Variants in KIFC3 observed in about 807,000 individuals in gnomAD.
KIFC3 encodes the protein kinesin-like protein KIFC3.
Under a neutral mutation model 101.8 loss-of-function variants are expected in KIFC3, and 60 were observed. The observed-to-expected ratio is 0.59, with a 90% CI of 0.48 to 0.73. KIFC3 has a LOEUF of 0.73. KIFC3 is among the 30% of genes least tolerant of loss of function. KIFC3 has a pLI of 0.00. For synonymous variants in KIFC3, 476 were observed against 482.7 expected (o/e 0.99, Z 0.18); for missense variants, 966 against 1,137.1 (o/e 0.85, Z 2.16).
rs1334068289 is a variant in KIFC3 at position 57,769,517 on chromosome 16, G to A, written c.1218+78C>T. ...GAGCGGCTTTGTCTGAGCTTTGGAG[G>A]GACGCCCTGAGTGGATGTCGTGCCT... On this transcript the variant is annotated intron_variant, in intron 9 of 19. Coordinates refer to ENST00000445690, the MANE Select transcript of KIFC3 (RefSeq NM_001130100.2). The surrounding 1 kb of genome is among the most constrained non-coding windows in gnomAD (Gnocchi z 4.3). 1.4e-5 allele frequency: 21 copies of A among 1,525,096 alleles called. No individual in the cohort carries two copies. The highest frequency in any genetic ancestry group is 1.9e-5 in the Non-Finnish European group (21 of 1,134,158). The allele number at this position is 1,525,096 out of a possible 1,614,324, so 94.5% of individuals were successfully genotyped here.
upstream of KIFC3, among the ~76,000 whole-genome samples, chr16:57,803,664 C>G (rs1029008045): frequency 1.3e-5 from 2 of 152,254 alleles, no homozygotes; most frequent in Non-Finnish European, 1.5e-5. Context: ...CAGAGCAGGA[C>G]AGTCACAGTC....
chr16:57,851,773 A>G (rs1212280221), intron 1 of KIFC3, among the ~76,000 whole-genome samples: 1 of 122,614 alleles, frequency 8.2e-6, no homozygotes, highest in African/African-American at 3.1e-5. Flanking sequence ...GTAGTCTCGC[A>G]CTGTCGCCTG....
At chr16:57,777,837 G>A (rs369774328) in intron 3 of KIFC3, among the ~76,000 whole-genome samples, 4 of 152,110 alleles carry the variant, frequency 2.6e-5, no homozygotes, top group East Asian at 1.9e-4. Flanking sequence ...ATAAACCCTC[G>A]CATATATGGT....
Position 57,769,718 on chromosome 16 carries a change from C to T in KIFC3, c.1095G>A (p.Arg365=). 1.2e-6 allele frequency: 2 copies of T among 1,613,080 alleles called. No homozygotes were observed. The highest frequency in any genetic ancestry group is 3.3e-5 in the Admixed American group (2 of 60,016). ...KAVHENLAGV[R]TNLLTLQPAL... is the part of the protein sequence containing the mutation. Reference sequence around the variant, plus strand: ...CCGGCTGCAAGGTCAGCAAGTTGGTCCGGACGCCTATGGGGACACTCGGGC... The same window carrying T: ...CCGGCTGCAAGGTCAGCAAGTTGGTTCGGACGCCTATGGGGACACTCGGGC... Residue 365 remains arginine, a synonymous_variant, in exon 9 of 20, where the codon CGG becomes CGA. Transcript: ENST00000445690. The surrounding 1 kb of genome is among the most constrained non-coding windows in gnomAD (Gnocchi z 4.3).
chr16:57,782,212 A>C, intron 3 of KIFC3: 11 of 884,900 alleles, frequency 1.2e-5, no homozygotes, highest in Non-Finnish European at 1.5e-5. Context: ...CCACCCCCAA[A>C]CTGCAATGCG....
intron 18 of KIFC3, 99 bp from the exon 19 acceptor site, chr16:57,759,252 C>T (rs1239635925): frequency 1.4e-5 from 19 of 1,385,582 alleles, no homozygotes; most frequent in Non-Finnish European, 1.8e-5. Context: ...AAGGATGGGC[C>T]AGGCCCTCCC....
chr16:57,786,216 G>A (rs2053306286), intron 3 of KIFC3, among the ~76,000 whole-genome samples: 1 of 152,122 alleles, frequency 6.6e-6, no homozygotes, highest in Non-Finnish European at 1.5e-5. Context: ...CCCACACATG[G>A]AGCAAGAACT....
At chr16:57,860,022 A>AAAAAATAAAATAAAAT (rs2056260237) in intron 1 of KIFC3, among the ~76,000 whole-genome samples, 4 of 86,898 alleles carry the variant, frequency 4.6e-5, no homozygotes, top group East Asian at 3.8e-4. Flanking sequence ...ACTCTGTCTC[A>AAAAAATAAAATAAAAT]AAAATAAAAT....
At chr16:57,823,298 G>C (rs1196386465) in intron 1 of KIFC3, among the ~76,000 whole-genome samples, 2 of 152,132 alleles carry the variant, frequency 1.3e-5, no homozygotes, top group Admixed American at 6.6e-5. Context: ...CCTGCTTTGA[G>C]TTGCACCACT....
intron 1 of KIFC3, among the ~76,000 whole-genome samples, chr16:57,849,153 C>G (rs1195683685): frequency 6.6e-6 from 1 of 152,260 alleles, no homozygotes; most frequent in Middle Eastern, 3.4e-3. Flanking sequence ...CTCTACTCGT[C>G]TAAATTTAAG....
Position 57,769,901 on chromosome 16 carries a change from T to C in KIFC3, c.994A>G (p.Met332Val). The C allele has an allele frequency of 6.2e-7, 1 of 1,613,744 alleles. No individual in the cohort carries two copies. Among genetic ancestry groups the C allele is most frequent in the Middle Eastern group, 1.6e-4 (1 of 6,062 alleles). The change falls in exon 8 of 20, where the codon ATG becomes GTG. Residue 332 changes from methionine to valine, a missense_variant. Transcript: ENST00000445690. The surrounding 1 kb of genome is among the most constrained non-coding windows in gnomAD (Gnocchi z 4.3). ...TTCTTGTCCTCTTCCAGGGACTGCA[T>C]CTCCTCCAGCATCTGCCCATGGGCC... ...ERAHGQMLEE[M>V]QSLEEDKNRA... is the part of the protein sequence containing the mutation.
At chr16:57,838,228 A>C (rs1377175508) in intron 1 of KIFC3, among the ~76,000 whole-genome samples, 1 of 152,298 alleles carries the variant, frequency 6.6e-6, no homozygotes, top group Middle Eastern at 3.4e-3. Flanking sequence ...GGATGGAATT[A>C]AATTCAAATT....
At position 57,769,863 on chromosome 16, in the gene KIFC3, C is replaced by T. The variant is rs145647097; in HGVS notation, c.1032G>A (p.Glu344=). The stretch of plus-strand genomic sequence containing the variant: ...CCACCTGGGCTCTGGCAAAGGCCTC[C>T]TCAATGGCCCGGTTCTTGTCCTCTT... ...SLEEDKNRAI[E]EAFARAQVEM... Residue 344 remains glutamate (E), a synonymous_variant, in exon 8 of 20, where the codon GAG becomes GAA. Coordinates refer to ENST00000445690, the MANE Select transcript of KIFC3 (RefSeq NM_001130100.2). This position sits in a 1 kb window ranked among gnomAD's most constrained non-coding sequence, Gnocchi z 4.3. 114 of 1,613,924 alleles carry T rather than the reference C, an allele frequency of 7.1e-5. No homozygotes were observed. The African/African-American group carries it at 1.3e-3, about 19-fold the overall frequency.
At position 57,851,115 on chromosome 16, in the gene KIFC3, A is replaced by G. The variant is rs556716311; in HGVS notation, c.108+11614T>C. Among the ~76,000 whole-genome samples the G allele has an allele frequency of 3.9e-5, 6 of 152,074 alleles. 1 individual carries two copies. The highest frequency in any genetic ancestry group is 3.9e-4 in the Admixed American group (6 of 15,252). ...AGCCTCAAGCTCCTAGGCTCCAGGC[A>G]TCCTCCCACCTCAGCCTCCTGAGTA... On this transcript the variant is annotated intron_variant, in intron 1 of 2. Coordinates refer to the KIFC3 transcript ENST00000563028.
upstream of KIFC3, among the ~76,000 whole-genome samples, chr16:57,804,155 CA>C (rs2054877754): frequency 6.6e-6 from 1 of 152,066 alleles, no homozygotes; most frequent in Non-Finnish European, 1.5e-5. Flanking sequence ...GCTTTGATTA[CA>C]AAAGTAATAG....
At chr16:57,807,344 G>A (rs1218480254), upstream of KIFC3, among the ~76,000 whole-genome samples, 15 of 152,112 alleles carry the variant, frequency 9.9e-5, no homozygotes, top group African/African-American at 3.6e-4. Context: ...TTGGGCACAT[G>A]ACTCACCCTG....
chr16:57,822,611 G>C (rs976302916), intron 1 of KIFC3, among the ~76,000 whole-genome samples: 3 of 151,904 alleles, frequency 2.0e-5, no homozygotes, highest in African/African-American at 4.8e-5. Flanking sequence ...GCAGGAGAAT[G>C]GCTTGAACCC....
intron 3 of KIFC3, chr16:57,785,390 G>T: frequency 1.1e-6 from 1 of 934,446 alleles, no homozygotes; most frequent in Non-Finnish European, 1.4e-6. Flanking sequence ...GGTGGGGTCA[G>T]GTGCCCAGGT....
At chr16:57,793,826 C>T (rs1390103277) in intron 3 of KIFC3, among the ~76,000 whole-genome samples, 7 of 152,136 alleles carry the variant, frequency 4.6e-5, no homozygotes, top group Non-Finnish European at 8.8e-5. Context: ...GAGACTCCAT[C>T]TCAAAAATAA....
Sources: gnomAD v4.1 joint callset for allele counts (sites outside exome capture counted in the v4.1 genomes callset) on GRCh38, gnomAD v4.1.1 for gene constraint, Gnocchi (gnomAD v3.1) non-coding constraint, MANE v1.5 for transcripts, NCBI Gene and HGNC (gene_info 2026-07-23, HGNC 2026-07-21) for gene names.